Variants in SLC8A1 observed in about 807,000 individuals in gnomAD.
The protein encoded by SLC8A1 is solute carrier family 8 member A1.
SLC8A1 carries 18 observed loss-of-function variants against 68.3 expected under a neutral mutation model. The observed-to-expected ratio is 0.26, with a 90% CI of 0.18 to 0.39. The LOEUF (loss-of-function observed/expected upper bound fraction) is 0.39. Among genes scored for constraint, SLC8A1 ranks in the 10% least tolerant of loss-of-function variants. The pLI is 1.00. For synonymous variants in SLC8A1, 475 were observed against 415.5 expected (o/e 1.14, Z -1.74); for missense variants, 985 against 1,156.7 (o/e 0.85, Z 2.15).
intron 7 of SLC8A1, among the ~76,000 whole-genome samples, chr2:40,121,254 A>AT (rs2036724989): frequency 6.6e-6 from 1 of 152,120 alleles, no homozygotes; most frequent in Non-Finnish European, 1.5e-5. Context: ...GGTTGTTCTT[A>AT]TTTATACCAA....
intron 2 of SLC8A1, among the ~76,000 whole-genome samples, chr2:40,235,315 G>C (rs1286572953): frequency 6.6e-6 from 1 of 151,926 alleles, no homozygotes; most frequent in African/African-American, 2.4e-5. Context: ...ACTTCTTCCT[G>C]GTTTAGTCTT....
At chr2:40,254,315 G>A (rs558200320) in intron 2 of SLC8A1, 18 of 149,476 alleles carry the variant, frequency 1.2e-4, no homozygotes, top group Non-Finnish European at 2.4e-4. Context: ...GAGACAGCAT[G>A]CAAAACTCAG....
At chr2:40,265,539 C>A (rs2065257434) in intron 2 of SLC8A1, among the ~76,000 whole-genome samples, 1 of 152,138 alleles carries the variant, frequency 6.6e-6, no homozygotes, top group East Asian at 1.9e-4. Context: ...TGAGAAAGAT[C>A]CATTAGTTTA....
At chr2:40,293,172 G>A (rs1396802670) in intron 2 of SLC8A1, among the ~76,000 whole-genome samples, 4 of 152,058 alleles carry the variant, frequency 2.6e-5, no homozygotes, top group Non-Finnish European at 4.4e-5. Context: ...CCTATTCAAT[G>A]TCTATTGACC....
intron 2 of SLC8A1, among the ~76,000 whole-genome samples, chr2:40,249,038 G>C (rs1316167035): frequency 3.3e-5 from 5 of 152,322 alleles, no homozygotes; most frequent in Admixed American, 2.0e-4. Context: ...GATGTGATCA[G>C]CTTGCCAACT....
chr2:40,329,096 ACACACG>A (rs1342411007), intron 2 of SLC8A1, among the ~76,000 whole-genome samples: 9 of 148,298 alleles, frequency 6.1e-5, no homozygotes, highest in African/African-American at 2.0e-4. Context: ...ACACACACAC[ACACACG>A]CACTGGACTA....
intron 2 of SLC8A1, among the ~76,000 whole-genome samples, chr2:40,192,966 G>T (rs540317488): frequency 6.6e-6 from 1 of 151,980 alleles, no homozygotes; most frequent in Non-Finnish European, 1.5e-5. Context: ...GTAACCATCC[G>T]CCACGGGATA....
chr2:40,110,931 C>A (rs992005569), exon 8 of SLC8A1: 1 of 152,090 alleles, frequency 6.6e-6, no homozygotes, highest in Non-Finnish European at 1.5e-5. Context: ...AGTCTCGCTA[C>A]TTTATTTTGA....
exon 8 of SLC8A1, chr2:40,115,507 C>T (rs375657524): frequency 1.2e-6 from 2 of 1,614,196 alleles, no homozygotes. Flanking sequence ...TGGTAGATGG[C>T]AGCGATGGAC....
At chr2:40,119,335 A>T (rs1323892529) in intron 7 of SLC8A1, among the ~76,000 whole-genome samples, 1 of 7,262 alleles carries the variant, frequency 1.4e-4, no homozygotes, top group Non-Finnish European at 2.8e-3. Flanking sequence ...AAAGCAATGT[A>T]AAAAAAAAAA....
chr2:40,417,742 T>C (rs1694299694), intron 2 of SLC8A1, among the ~76,000 whole-genome samples: 1 of 152,118 alleles, frequency 6.6e-6, no homozygotes, highest in Non-Finnish European at 1.5e-5. Context: ...CCAGCAGAAA[T>C]GGCCTTTGGA....
At chr2:40,272,728 C>T (rs904136880) in intron 2 of SLC8A1, among the ~76,000 whole-genome samples, 7 of 152,170 alleles carry the variant, frequency 4.6e-5, no homozygotes, top group Admixed American at 2.0e-4. Context: ...TCTTGTTCAC[C>T]GCTGTTCTTG....
At chr2:40,375,773 C>A (rs1232363241) in intron 2 of SLC8A1, among the ~76,000 whole-genome samples, 3 of 152,212 alleles carry the variant, frequency 2.0e-5, no homozygotes, top group East Asian at 3.9e-4. Context: ...AAGGTCAAGG[C>A]AGGCAGATTG....
intron 5 of SLC8A1, 24 bp from the exon 9 acceptor site, chr2:40,160,888 A>T (rs1368384125): frequency 6.4e-7 from 1 of 1,572,826 alleles, no homozygotes; most frequent in Non-Finnish European, 8.7e-7. Context: ...AAAGAAAAAT[A>T]TAAATGCTGG....
chr2:40,315,367 T>C (rs1468383277), intron 2 of SLC8A1, among the ~76,000 whole-genome samples: 1 of 151,996 alleles, frequency 6.6e-6, no homozygotes, highest in Admixed American at 6.6e-5. Context: ...AAATGGAAGG[T>C]TAGTCACAGT....
intron 2 of SLC8A1, among the ~76,000 whole-genome samples, chr2:40,238,637 C>G (rs539411368): frequency 2.0e-5 from 3 of 152,170 alleles, no homozygotes; most frequent in Non-Finnish European, 4.4e-5. Context: ...CGATCGTCTT[C>G]TGTTTCTTAC....
At chr2:40,305,064 A>T (rs770330765) in intron 2 of SLC8A1, among the ~76,000 whole-genome samples, 22 of 152,260 alleles carry the variant, frequency 1.4e-4, no homozygotes, top group Non-Finnish European at 2.6e-4. Flanking sequence ...ATTTCTAACA[A>T]CTTCCCAGGT....
chr2:40,147,941 G>C (rs768082574), intron 6 of SLC8A1, among the ~76,000 whole-genome samples: 2 of 152,158 alleles, frequency 1.3e-5, no homozygotes, highest in Non-Finnish European at 2.9e-5. Flanking sequence ...CTGTTTTAGA[G>C]ATGAAGAATC....
chr2:40,097,866 A>T (rs1168177324), exon 8 of SLC8A1: 2 of 151,974 alleles, frequency 1.3e-5, no homozygotes, highest in Non-Finnish European at 2.9e-5. Flanking sequence ...ACATAACCTC[A>T]GGAATTTATT....
Sources: gnomAD v4.1 joint callset for allele counts (sites outside exome capture counted in the v4.1 genomes callset) on GRCh38, gnomAD v4.1.1 for gene constraint, MANE v1.5 for transcripts, NCBI Gene and HGNC (gene_info 2026-07-23, HGNC 2026-07-21) for gene names.